Variants in NUDCD3 observed in about 807,000 individuals in gnomAD.
The protein encoded by NUDCD3 is NudC domain containing 3.
In NUDCD3, 13 loss-of-function variants were observed where a neutral mutation model predicts 39.7. The observed-to-expected ratio is 0.33, with a 90% CI of 0.21 to 0.52. The LOEUF (loss-of-function observed/expected upper bound fraction) is 0.52. Among genes scored for constraint, NUDCD3 ranks in the 20% least tolerant of loss-of-function variants. The probability of loss-of-function intolerance (pLI) is 0.96; values close to 1 mark genes in which losing one functional copy is unlikely to be tolerated. For synonymous variants in NUDCD3, 175 were observed against 172.4 expected, an observed-to-expected ratio of 1.02 and a Z score of -0.12; for missense variants, 453 against 458.1, an observed-to-expected ratio of 0.99 and a Z score of 0.10.
At chr7:44,451,911 A>T (rs1457331938) in intron 2 of NUDCD3, among the ~76,000 whole-genome samples, 1 of 152,208 alleles carries the variant, frequency 6.6e-6, no homozygotes, top group Non-Finnish European at 1.5e-5. Flanking sequence ...AGTATTCACT[A>T]TGTTGGGAAT....
At chr7:44,400,754 C>T (rs1387080549) in intron 4 of NUDCD3, among the ~76,000 whole-genome samples, 1 of 152,220 alleles carries the variant, frequency 6.6e-6, no homozygotes, top group African/African-American at 2.4e-5. Flanking sequence ...GTGGTTATAT[C>T]ATTCATCTCT....
chr7:44,472,206 T>C (rs1035268197), intron 2 of NUDCD3, among the ~76,000 whole-genome samples: 1 of 152,204 alleles, frequency 6.6e-6, no homozygotes, highest in Non-Finnish European at 1.5e-5. Flanking sequence ...TTTAGAATTC[T>C]AAATGTGACA....
chr7:44,482,934 A>G (rs1800522294), intron 2 of NUDCD3, among the ~76,000 whole-genome samples: 1 of 152,206 alleles, frequency 6.6e-6, no homozygotes, highest in Non-Finnish European at 1.5e-5. Context: ...TAAAAAATAA[A>G]CTATCTGAAA....
chr7:44,424,167 A>C (rs892503118), intron 3 of NUDCD3, among the ~76,000 whole-genome samples: 2 of 152,172 alleles, frequency 1.3e-5, no homozygotes, highest in African/African-American at 4.8e-5. Context: ...AGACTTAAAC[A>C]TAAAACCTAA....
intron 5 of NUDCD3, among the ~76,000 whole-genome samples, chr7:44,390,053 T>G (rs1237887135): frequency 2.6e-5 from 4 of 152,168 alleles, no homozygotes; most frequent in Non-Finnish European, 5.9e-5. Context: ...GCTTCTCTCA[T>G]GCCTCAACAG....
At chr7:44,452,517 A>G (rs1585088464) in intron 2 of NUDCD3, among the ~76,000 whole-genome samples, 1 of 152,338 alleles carries the variant, frequency 6.6e-6, no homozygotes, top group East Asian at 1.9e-4. Flanking sequence ...CACCAGGACT[A>G]TCTCACAGGA....
chr7:44,414,335 T>C (rs910719963), intron 3 of NUDCD3, among the ~76,000 whole-genome samples: 3 of 152,114 alleles, frequency 2.0e-5, no homozygotes, highest in Non-Finnish European at 2.9e-5. Context: ...AAGCAAAGTC[T>C]ACCTAGAATT....
intron 1 of NUDCD3, among the ~76,000 whole-genome samples, chr7:44,487,099 C>T (rs1028696111): frequency 7.9e-5 from 12 of 152,160 alleles, no homozygotes; most frequent in Admixed American, 7.2e-4. Context: ...CCAAAAAAAA[C>T]AGCATTATCG....
At chr7:44,469,925 G>A (rs1800218377) in intron 2 of NUDCD3, among the ~76,000 whole-genome samples, 1 of 152,114 alleles carries the variant, frequency 6.6e-6, no homozygotes, top group South Asian at 2.1e-4. Flanking sequence ...CCAGATAAAG[G>A]AGACTGAAGA....
At chr7:44,470,378 A>T (rs1275953298) in intron 2 of NUDCD3, among the ~76,000 whole-genome samples, 2 of 152,238 alleles carry the variant, frequency 1.3e-5, no homozygotes. Flanking sequence ...CAGAACTCAC[A>T]GCCAAGTCAT....
At chr7:44,450,018 CA>C (rs1386759708) in intron 2 of NUDCD3, among the ~76,000 whole-genome samples, 1 of 152,036 alleles carries the variant, frequency 6.6e-6, no homozygotes, top group East Asian at 1.9e-4. Flanking sequence ...AGAAAGCTCT[CA>C]AAATTCAATA....
In NUDCD3 at chr7:44,381,278, C is replaced by T. The variant is rs1798300842; in HGVS notation, c.*4733G>A. 6.6e-6 allele frequency: 1 copy of T among 152,344 alleles called. No individual in the cohort carries two copies. The highest frequency in any genetic ancestry group is 1.5e-5 in the Non-Finnish European group (1 of 68,136). 9.4% of individuals were successfully genotyped at this position (152,344 alleles called of 1,614,324 possible). A position where few individuals can be genotyped will look rare whatever the true frequency, so the allele number is the denominator to read the frequency against. On this transcript the variant is annotated 3_prime_UTR_variant, in exon 6 of 6. Transcript: ENST00000355451. ...CCCTGGATGATTTCAGTATCTGCCA[C>T]TCACCTTGGTCATGATGCCACAGAG...
intron 2 of NUDCD3, among the ~76,000 whole-genome samples, chr7:44,483,815 T>G (rs1206495737): frequency 6.6e-6 from 1 of 152,050 alleles, no homozygotes; most frequent in African/African-American, 2.4e-5. Context: ...TTTTTAAAAT[T>G]TAGCCAGGTA....
At chr7:44,485,401 T>C in intron 1 of NUDCD3, 117 bp from the exon 2 acceptor site, 1 of 887,016 alleles carries the variant, frequency 1.1e-6, no homozygotes, top group Non-Finnish European at 1.7e-6. Context: ...ACTGACAAGT[T>C]TTCCCACTGG....
chr7:44,466,157 C>T (rs2116956649), intron 2 of NUDCD3, among the ~76,000 whole-genome samples: 1 of 152,208 alleles, frequency 6.6e-6, no homozygotes, highest in Admixed American at 6.5e-5. Context: ...GGGACAGCCA[C>T]CCAGGGCCAA....
chr7:44,390,243 A>G (rs1798487294), intron 5 of NUDCD3, among the ~76,000 whole-genome samples: 1 of 152,166 alleles, frequency 6.6e-6, no homozygotes, highest in African/African-American at 2.4e-5. Context: ...GTGCGCCTGT[A>G]GTCCCAGCTA....
At chr7:44,484,844 T>G (rs1800570712) in intron 2 of NUDCD3, 124 bp downstream of exon 2, 1 of 771,120 alleles carries the variant, frequency 1.3e-6, no homozygotes, top group Non-Finnish European at 2.1e-6. Context: ...TTTACAAACA[T>G]GAAGAGCTAA....
At position 44,468,425 on chromosome 7, in the gene NUDCD3, C is replaced by G. The variant is rs918378102; in HGVS notation, c.509+16543G>C. ...AAGAATTTGTTTGTTCAATGCCAGACAGCTTATCAGTGTCAGAGCTAGCAA... is the reference window on the plus strand; with the variant it reads ...AAGAATTTGTTTGTTCAATGCCAGAGAGCTTATCAGTGTCAGAGCTAGCAA... On this transcript the variant is annotated intron_variant, in intron 2 of 5. Transcript: ENST00000355451. 25 of 741,364 alleles carry G rather than the reference C, an allele frequency of 3.4e-5. No individual in the cohort carries two copies. The South Asian group carries it at 4.2e-4, about 12-fold the overall frequency. The allele number at this position is 741,364 out of a possible 1,614,324, so 45.9% of individuals were successfully genotyped here.
At chr7:44,386,252 G>T in intron 5 of NUDCD3, 131 bp from the exon 6 acceptor site, 2 of 961,336 alleles carry the variant, frequency 2.1e-6, no homozygotes, top group Non-Finnish European at 3.1e-6. Context: ...GGCAAGACCG[G>T]CTGGCCAGAG....
Sources: gnomAD v4.1 joint callset for allele counts (sites outside exome capture counted in the v4.1 genomes callset) on GRCh38, gnomAD v4.1.1 for gene constraint, MANE v1.5 for transcripts, NCBI Gene and HGNC (gene_info 2026-07-23, HGNC 2026-07-21) for gene names.